SLC22A24: variants seen among roughly 807,000 people sequenced by gnomAD.
The protein encoded by SLC22A24 is solute carrier family 22 member 24, also known as steroid transmembrane transporter SLC22A24.
In SLC22A24, 53 loss-of-function variants were observed where a neutral mutation model predicts 49.8. That is an observed-to-expected ratio of 1.06 (90% CI 0.85 to 1.34). SLC22A24 has a LOEUF of 1.34. SLC22A24 is among the 40% of genes most tolerant of loss of function. The pLI, the probability that SLC22A24 is intolerant of heterozygous loss-of-function variation, is 0.00. For missense variants in SLC22A24, 786 were observed against 675.9 expected, an observed-to-expected ratio of 1.16 and a Z score of -1.81; for synonymous variants, 302 against 256.4, an observed-to-expected ratio of 1.18 and a Z score of -1.70.
At chr11:63,129,901 T>C (rs1307170946) in intron 2 of SLC22A24, among the ~76,000 whole-genome samples, 1 of 152,224 alleles carries the variant, frequency 6.6e-6, no homozygotes, top group Non-Finnish European at 1.5e-5. Flanking sequence ...TTTCTAAGTA[T>C]ACAATAATTT....
intron 6 of SLC22A24, among the ~76,000 whole-genome samples, chr11:63,091,230 C>A (rs575832062): frequency 4.5e-4 from 69 of 152,228 alleles, no homozygotes; most frequent in African/African-American, 1.4e-3. Flanking sequence ...CTGAGTAGGA[C>A]GATAACATGT....
chr11:63,086,696 A>T (rs2086988510), intron 6 of SLC22A24, among the ~76,000 whole-genome samples: 1 of 152,200 alleles, frequency 6.6e-6, no homozygotes, highest in Non-Finnish European at 1.5e-5. Flanking sequence ...ATCCAAAACC[A>T]TTGGGTCAAA....
intron 9 of SLC22A24, 128 bp from the exon 10 acceptor site, chr11:63,080,128 A>T: frequency 1.6e-6 from 1 of 606,492 alleles, no homozygotes; most frequent in Non-Finnish European, 2.9e-6. Context: ...GTAATCCAAG[A>T]TTCTCTAGAT....
At chr11:63,088,286 G>T (rs1191557130) in intron 6 of SLC22A24, among the ~76,000 whole-genome samples, 1 of 152,054 alleles carries the variant, frequency 6.6e-6, no homozygotes, top group African/African-American at 2.4e-5. Context: ...GGTGAAAAGG[G>T]TCTGGAGTGG....
At chr11:63,137,562 G>A (rs1444586994) in intron 1 of SLC22A24, among the ~76,000 whole-genome samples, 1 of 152,146 alleles carries the variant, frequency 6.6e-6, no homozygotes, top group East Asian at 1.9e-4. Context: ...AAGGCAACAG[G>A]GACCAACAGG....
At chr11:63,103,927 G>A (rs1375736560) in intron 5 of SLC22A24, among the ~76,000 whole-genome samples, 2 of 152,198 alleles carry the variant, frequency 1.3e-5, no homozygotes, top group African/African-American at 2.4e-5. Flanking sequence ...TCCCCTATAC[G>A]TCTAGGGTAA....
intron 6 of SLC22A24, among the ~76,000 whole-genome samples, chr11:63,087,462 G>T (rs1025821758): frequency 3.9e-5 from 6 of 152,180 alleles, no homozygotes; most frequent in East Asian, 3.9e-4. Context: ...TATACCACCA[G>T]GGCCCTGGGC....
intron 2 of SLC22A24, among the ~76,000 whole-genome samples, chr11:63,122,350 A>C (rs1470503758): frequency 6.6e-6 from 1 of 152,190 alleles, no homozygotes; most frequent in Admixed American, 6.5e-5. Flanking sequence ...GGTGCCCTGT[A>C]GACTCATTCC....
At chr11:63,119,358 A>G in intron 2 of SLC22A24, 23 bp from the exon 3 acceptor site, 1 of 1,496,046 alleles carries the variant, frequency 6.7e-7, no homozygotes, top group Non-Finnish European at 8.9e-7. Flanking sequence ...AAACCAGATA[A>G]CGTTACTTAG....
intron 5 of SLC22A24, among the ~76,000 whole-genome samples, chr11:63,102,432 G>C (rs2134650071): frequency 6.6e-6 from 1 of 152,196 alleles, no homozygotes; most frequent in Admixed American, 6.6e-5. Context: ...GCACTGGTCT[G>C]TCACCCATCT....
At chr11:63,101,727 A>G (rs1018186293) in intron 5 of SLC22A24, among the ~76,000 whole-genome samples, 5 of 152,110 alleles carry the variant, frequency 3.3e-5, no homozygotes, top group South Asian at 2.1e-4. Context: ...AGAAAAGTTG[A>G]TACGTATACA....
intron 1 of SLC22A24, among the ~76,000 whole-genome samples, chr11:63,141,918 G>T (rs1213308842): frequency 6.6e-6 from 1 of 151,988 alleles, no homozygotes; most frequent in East Asian, 1.9e-4. Context: ...TGCTTCAAAA[G>T]AAAAACTATA....
intron 4 of SLC22A24, among the ~76,000 whole-genome samples, chr11:63,118,206 C>T (rs2087225255): frequency 8.5e-6 from 1 of 118,270 alleles, no homozygotes; most frequent in Non-Finnish European, 1.9e-5. Flanking sequence ...CCTCTAGTAC[C>T]AAGAATGTTA....
chr11:63,087,273 A>C (rs1260521404), intron 6 of SLC22A24, among the ~76,000 whole-genome samples: 1 of 152,140 alleles, frequency 6.6e-6, no homozygotes, highest in African/African-American at 2.4e-5. Context: ...CAGTGGCTGC[A>C]ACCCACAGAG....
intron 4 of SLC22A24, among the ~76,000 whole-genome samples, chr11:63,106,705 T>C (rs1437408291): frequency 8.0e-5 from 1 of 12,486 alleles, no homozygotes; most frequent in Non-Finnish European, 7.1e-4. Context: ...TTTCATGTGT[T>C]TTTTGACTGC....
At chr11:63,082,734 C>A (rs1265335151) in intron 7 of SLC22A24, among the ~76,000 whole-genome samples, 2 of 152,124 alleles carry the variant, frequency 1.3e-5, no homozygotes, top group African/African-American at 2.4e-5. Context: ...GAAGCCTTTT[C>A]TAAAAAAGTG....
At chr11:63,117,459 C>T (rs1032674217) in intron 4 of SLC22A24, among the ~76,000 whole-genome samples, 2 of 152,166 alleles carry the variant, frequency 1.3e-5, no homozygotes, top group African/African-American at 4.8e-5. Context: ...TTAGCCTCCA[C>T]CAACTGCATA....
intron 6 of SLC22A24, among the ~76,000 whole-genome samples, chr11:63,095,562 G>T (rs1316271704): frequency 6.6e-6 from 1 of 152,112 alleles, no homozygotes; most frequent in Non-Finnish European, 1.5e-5. Flanking sequence ...TAACTAGGGT[G>T]AAAGAGACAT....
intron 9 of SLC22A24, 122 bp from the exon 10 acceptor site, chr11:63,080,122 T>C: frequency 1.6e-6 from 1 of 618,936 alleles, no homozygotes; most frequent in Admixed American, 2.7e-5. Flanking sequence ...AGCATTGTAA[T>C]CCAAGATTCT....
Sources: allele counts gnomAD v4.1 joint callset (sites outside exome capture counted in the v4.1 genomes callset), GRCh38; gene constraint gnomAD v4.1.1; transcripts MANE v1.5; gene names NCBI Gene and HGNC (gene_info 2026-07-23, HGNC 2026-07-21).